Variants in NRXN1 observed in about 807,000 individuals in gnomAD.
NRXN1 encodes the protein neurexin-1.
In NRXN1, 39 loss-of-function variants were observed where a neutral mutation model predicts 150.9. The observed-to-expected ratio is 0.26, with a 90% CI of 0.20 to 0.34. The LOEUF is 0.34. Ranked by LOEUF, NRXN1 falls within the 10% of genes least tolerant of loss-of-function variation. The pLI, the probability that NRXN1 is intolerant of heterozygous loss-of-function variation, is 1.00. For synonymous variants in NRXN1, 924 were observed against 757.0 expected, an observed-to-expected ratio of 1.22 and a Z score of -3.62; for missense variants, 1,815 against 1,949.9, an observed-to-expected ratio of 0.93 and a Z score of 1.30.
At chr2:50,072,681 C>T (rs1006966019) in intron 19 of NRXN1, among the ~76,000 whole-genome samples, 1 of 151,234 alleles carries the variant, frequency 6.6e-6, no homozygotes, top group African/African-American at 2.4e-5. Flanking sequence ...GAATGTCTTA[C>T]ATTGTTGTGC....
chr2:50,111,957 G>A (rs1702430360), intron 18 of NRXN1, among the ~76,000 whole-genome samples: 1 of 151,858 alleles, frequency 6.6e-6, no homozygotes, highest in African/African-American at 2.4e-5. Flanking sequence ...GATATAAAAT[G>A]GGTACTCAAC....
At chr2:50,143,832 A>AT (rs140517609) in intron 18 of NRXN1, among the ~76,000 whole-genome samples, 426 of 151,900 alleles carry the variant, frequency 2.8e-3, no homozygotes, top group Non-Finnish European at 4.4e-3. Context: ...TTGCTCAGTG[A>AT]TTTTTTAATG....
intron 5 of NRXN1, among the ~76,000 whole-genome samples, chr2:50,625,628 C>G (rs1431221642): frequency 6.6e-6 from 1 of 152,002 alleles, no homozygotes; most frequent in Non-Finnish European, 1.5e-5. Context: ...CAATATTGGG[C>G]ACAAGTACAA....
intron 17 of NRXN1, among the ~76,000 whole-genome samples, chr2:50,413,947 T>C (rs1446049479): frequency 1.3e-5 from 2 of 149,892 alleles, no homozygotes; most frequent in African/African-American, 4.9e-5. Flanking sequence ...AAATATCACA[T>C]GTTCTCACTT....
At chr2:49,954,114 T>C (rs1231581816) in intron 21 of NRXN1, among the ~76,000 whole-genome samples, 2 of 152,160 alleles carry the variant, frequency 1.3e-5, no homozygotes, top group African/African-American at 4.8e-5. Flanking sequence ...GACAACCCAA[T>C]GTCCATTTAC....
intron 15 of NRXN1, among the ~76,000 whole-genome samples, chr2:50,486,241 T>A (rs996074098): frequency 1.3e-5 from 2 of 152,154 alleles, no homozygotes; most frequent in African/African-American, 4.8e-5. Flanking sequence ...TAGGCATGCA[T>A]AAATGACATA....
chr2:50,577,755 T>C (rs1328690094), intron 8 of NRXN1, among the ~76,000 whole-genome samples: 2 of 151,690 alleles, frequency 1.3e-5, no homozygotes, highest in East Asian at 3.9e-4. Context: ...ATGGTATGTC[T>C]TTTGAAAGGA....
intron 8 of NRXN1, among the ~76,000 whole-genome samples, chr2:50,611,137 T>C: frequency 9.2e-6 from 1 of 108,610 alleles, no homozygotes; most frequent in East Asian, 3.2e-4. Context: ...CAAGATGCTC[T>C]GGTAGGTGCT....
At chr2:50,016,791 G>A (rs1686701521) in intron 21 of NRXN1, among the ~76,000 whole-genome samples, 1 of 151,966 alleles carries the variant, frequency 6.6e-6, no homozygotes, top group South Asian at 2.1e-4. Context: ...ACCACATCAG[G>A]CTATATGGAA....
chr2:50,101,598 G>A (rs1035241878), intron 18 of NRXN1, among the ~76,000 whole-genome samples: 2 of 151,804 alleles, frequency 1.3e-5, no homozygotes, highest in East Asian at 1.9e-4. Flanking sequence ...TTAGTAACTC[G>A]GTTATAGGTA....
intron 12 of NRXN1, among the ~76,000 whole-genome samples, chr2:50,528,136 C>T (rs116676111): frequency 3.1e-3 from 467 of 152,212 alleles, no homozygotes; most frequent in Non-Finnish European, 4.8e-3. Context: ...ATCATATAAA[C>T]ATTCTTAATG....
chr2:50,920,041 A>G (rs1274386428), intron 5 of NRXN1: 1 of 373,492 alleles, frequency 2.7e-6, no homozygotes, highest in Non-Finnish European at 5.9e-6. Context: ...CACCTTTCTC[A>G]TTTCTCTACA....
At chr2:50,538,773 T>C in intron 9 of NRXN1, 137 bp from the exon 10 acceptor site, 1 of 661,318 alleles carries the variant, frequency 1.5e-6, no homozygotes, top group Admixed American at 4.0e-5. Context: ...CCTCACTTTT[T>C]GGTATTTCCT....
At chr2:50,042,472 C>T (rs1022240342) in intron 21 of NRXN1, among the ~76,000 whole-genome samples, 2 of 152,192 alleles carry the variant, frequency 1.3e-5, no homozygotes, top group Non-Finnish European at 2.9e-5. Context: ...GCCTCCCCAG[C>T]CCTGCAGAAC....
intron 5 of NRXN1, among the ~76,000 whole-genome samples, chr2:50,720,558 T>C (rs1016402537): frequency 6.6e-6 from 1 of 152,192 alleles, no homozygotes; most frequent in Admixed American, 6.5e-5. Flanking sequence ...CCTATCTACA[T>C]CAAAGGGCTG....
chr2:50,215,550 T>C (rs1223174962), intron 18 of NRXN1, among the ~76,000 whole-genome samples: 1 of 152,062 alleles, frequency 6.6e-6, no homozygotes, highest in Non-Finnish European at 1.5e-5. Flanking sequence ...ACTCTGATCA[T>C]TGCTTATCCT....
At chr2:50,880,962 C>T (rs1302138851) in intron 5 of NRXN1, among the ~76,000 whole-genome samples, 1 of 151,860 alleles carries the variant, frequency 6.6e-6, no homozygotes, top group East Asian at 2.0e-4. Context: ...CAAGGTGTCT[C>T]AACGGTGTCA....
chr2:50,606,362 T>C (rs1036852667), intron 8 of NRXN1, among the ~76,000 whole-genome samples: 8 of 151,398 alleles, frequency 5.3e-5, no homozygotes, highest in African/African-American at 1.9e-4. Context: ...AAATACTGCA[T>C]GATTCCACTT....
intron 8 of NRXN1, among the ~76,000 whole-genome samples, chr2:50,601,276 G>A (rs1282433401): frequency 6.6e-6 from 1 of 152,122 alleles, no homozygotes; most frequent in South Asian, 2.1e-4. Flanking sequence ...GTGTTGTGAA[G>A]ATCCCATGTG....
Sources: gnomAD v4.1 joint callset for allele counts (sites outside exome capture counted in the v4.1 genomes callset) on GRCh38, gnomAD v4.1.1 for gene constraint, MANE v1.5 for transcripts, NCBI Gene and HGNC (gene_info 2026-07-23, HGNC 2026-07-21) for gene names.